SMIM10L2B: variants seen among roughly 807,000 people sequenced by gnomAD.
The protein encoded by SMIM10L2B is small integral membrane protein 10-like protein 2B.
For missense variants in SMIM10L2B, 40 were observed against 58.7 expected (o/e 0.68, Z 1.04); for synonymous variants, 28 against 30.0 (o/e 0.93, Z 0.22).
At position 135,098,245 on chromosome X, in the gene SMIM10L2B, G is replaced by A; in HGVS notation, c.*152C>T. The A allele has an allele frequency of 7.5e-6, 2 of 265,482 alleles. No homozygotes were observed. Among genetic ancestry groups the A allele is most frequent in the Middle Eastern group, 2.1e-3 (2 of 965 alleles). 21.9% of individuals were successfully genotyped at this position (265,482 alleles called of 1,213,427 possible). A position where few individuals can be genotyped will look rare whatever the true frequency, so the allele number is the denominator to read the frequency against. On this transcript the variant is annotated 3_prime_UTR_variant, in exon 1 of 2. Transcript: ENST00000433425. The stretch of plus-strand genomic sequence containing the variant: ...CAGGGCTGGGCCTTCGTGCCCGGGC[G>A]GCGTAGGTCTAGAGTCCAGGGGCCC...
rs1252976640 is a variant in SMIM10L2B at position 135,096,941 on chromosome X, C to T, written c.*545G>A. 8.9e-6 allele frequency: 1 copy of T among 112,911 alleles called. No homozygotes were observed. The highest frequency in any genetic ancestry group is 1.9e-5 in the Non-Finnish European group (1 of 53,287). The allele number at this position is 112,911 out of a possible 1,213,427, so 9.3% of individuals were successfully genotyped here. A position where few individuals can be genotyped will look rare whatever the true frequency, so the allele number is the denominator to read the frequency against. On this transcript the variant is annotated 3_prime_UTR_variant, in exon 2 of 2. Coordinates refer to ENST00000433425, the MANE Select transcript of SMIM10L2B (RefSeq NM_001348255.2). ...CCAGGACTCGATCACTGGGCACCCC[C>T]ACCCCTGTGAGCCTTTGTCCATGCT...
In SMIM10L2B at chrX:135,096,316, C is replaced by T. The variant is rs2083446989; in HGVS notation, c.*1170G>A. 1 of 110,394 alleles carries T rather than the reference C, an allele frequency of 9.1e-6. No homozygotes were observed. Among genetic ancestry groups the T allele is most frequent in the East Asian group, 2.9e-4 (1 of 3,463 alleles). 9.1% of individuals were successfully genotyped at this position (110,394 alleles called of 1,213,427 possible). On this transcript the variant is annotated 3_prime_UTR_variant, in exon 2 of 2. Transcript: ENST00000433425. ...GAGCTTGAGGAGAGAGAATTGGGGT[C>T]ATGCCATGGGTCTCAGCCCCAGCCC...
At chrX:135,097,269 T>A (rs782713672) in intron 1 of SMIM10L2B, 148 bp from the exon 2 acceptor site, 1 of 113,131 alleles carries the variant, frequency 8.8e-6, no homozygotes, top group East Asian at 2.8e-4. Context: ...CAGGGAGGTC[T>A]CTTTTTCCCA....
rs1163070471 is a variant in SMIM10L2B, at chrX:135,098,592, T to C, written c.42A>G (p.Ala14=). ...SAALSAAAAA[A]ALSGLAVRLS... is the part of the protein sequence containing the mutation. Reference sequence around the variant, plus strand: ...GCCGAACCGCCAAGCCAGACAGGGCTGCCGCCGCCGCCGCCGCAGACAGAG... The same window carrying C: ...GCCGAACCGCCAAGCCAGACAGGGCCGCCGCCGCCGCCGCCGCAGACAGAG... The change falls in exon 1 of 2, where the codon GCA becomes GCG. Residue 14 remains alanine, a synonymous_variant. Transcript: ENST00000433425. The C allele has an allele frequency of 1.0e-5, 6 of 593,257 alleles. No homozygotes were observed. The highest frequency in any genetic ancestry group is 4.9e-5 in the Admixed American group (1 of 20,365). The allele number at this position is 593,257 out of a possible 1,213,427, so 48.9% of individuals were successfully genotyped here.
In SMIM10L2B at chrX:135,095,710, C is replaced by A. The variant is rs2083444549; in HGVS notation, c.*1776G>T. ...TCTGTGCATCAGACACAAGGAGGCC[C>A]CTCACTCCTCTTCTCCTCCAGCTCT... On this transcript the variant is annotated 3_prime_UTR_variant, in exon 2 of 2. Coordinates refer to ENST00000433425, the MANE Select transcript of SMIM10L2B (RefSeq NM_001348255.2). 1 of 112,324 alleles carries A rather than the reference C, an allele frequency of 8.9e-6. No individual in the cohort carries two copies. The highest frequency in any genetic ancestry group is 3.2e-5 in the African/African-American group (1 of 30,888). 9.3% of individuals were successfully genotyped at this position (112,324 alleles called of 1,213,427 possible). A position where few individuals can be genotyped will look rare whatever the true frequency, so the allele number is the denominator to read the frequency against.
Position 135,098,617 on chromosome X carries a change from G to T in SMIM10L2B, c.17C>A (p.Ala6Asp). 1 of 415,374 alleles carries T rather than the reference G, an allele frequency of 2.4e-6. No homozygotes were observed. The highest frequency in any genetic ancestry group is 3.6e-6 in the Non-Finnish European group (1 of 277,402). 34.2% of individuals were successfully genotyped at this position (415,374 alleles called of 1,213,427 possible). ...TGCCGCCGCCGCCGCCGCAGACAGA[G>T]CCGCCGACGCCGCCATGGGCCCGGG... is the stretch of plus-strand genomic sequence containing the variant. Reference protein sequence around the residue: MAASAALSAAAAAAAL... With the variant: MAASADLSAAAAAAAL... The change falls in exon 1 of 2, where the codon GCT (alanine) becomes GAT (aspartate). Residue 6 changes from alanine (A) to aspartate (D), a missense_variant. Ala to Asp is a moderately radical substitution (Grantham distance 126, BLOSUM62 -2). Coordinates refer to ENST00000433425, the MANE Select transcript of SMIM10L2B (RefSeq NM_001348255.2).
Position 135,095,845 on chromosome X carries a change from G to A in SMIM10L2B, c.*1641C>T, listed in dbSNP as rs1236829667. The A allele has an allele frequency of 8.9e-6, 1 of 112,055 alleles. No individual in the cohort carries two copies. The highest frequency in any genetic ancestry group is 9.4e-5 in the Admixed American group (1 of 10,674). The allele number at this position is 112,055 out of a possible 1,213,427, so 9.2% of individuals were successfully genotyped here. A position where few individuals can be genotyped will look rare whatever the true frequency, so the allele number is the denominator to read the frequency against. Reference sequence around the variant, plus strand: ...GTGGACAGGGTTGGGGCGGATGAGAGAGGCCAGCAAGGTCAGGGGTTCTCA... The same window carrying A: ...GTGGACAGGGTTGGGGCGGATGAGAAAGGCCAGCAAGGTCAGGGGTTCTCA... On this transcript the variant is annotated 3_prime_UTR_variant, in exon 2 of 2. Transcript: ENST00000433425.
At position 135,098,389 on chromosome X, in the gene SMIM10L2B, G is replaced by T. The variant is rs1603270834; in HGVS notation, c.*8C>A. On this transcript the variant is annotated 3_prime_UTR_variant, in exon 1 of 2. Transcript: ENST00000433425. ...CCGGGCCTCCGCGGCCGCCGCCGCC[G>T]CCGGCGCTCACTCGATCCGCACTTG... The T allele has an allele frequency of 3.4e-6, 2 of 589,309 alleles. No individual in the cohort carries two copies. Among genetic ancestry groups the T allele is most frequent in the South Asian group, 9.4e-5 (2 of 21,253 alleles). 48.6% of individuals were successfully genotyped at this position (589,309 alleles called of 1,213,427 possible). A position where few individuals can be genotyped will look rare whatever the true frequency, so the allele number is the denominator to read the frequency against.
rs1306760437 is a variant in SMIM10L2B, at chrX:135,098,289, C to T, written c.*108G>A. 1 of 277,876 alleles carries T rather than the reference C, an allele frequency of 3.6e-6. No individual in the cohort carries two copies. Among genetic ancestry groups the T allele is most frequent in the African/African-American group, 2.8e-5 (1 of 35,237 alleles). 22.9% of individuals were successfully genotyped at this position (277,876 alleles called of 1,213,427 possible). A position where few individuals can be genotyped will look rare whatever the true frequency, so the allele number is the denominator to read the frequency against. ...GGGGCCCGGGCCGCCCCACCTCCGC[C>T]CCCCGCCGCGATCCAGCTGTCCTTC... is the stretch of plus-strand genomic sequence containing the variant. On this transcript the variant is annotated 3_prime_UTR_variant, in exon 1 of 2. Coordinates refer to ENST00000433425, the MANE Select transcript of SMIM10L2B (RefSeq NM_001348255.2).
rs782529285 is a variant in SMIM10L2B at position 135,098,412 on chromosome X, T to C, written c.222A>G (p.Gln74=). The change falls in exon 1 of 2, where the codon CAA becomes CAG. Residue 74 remains glutamine, a synonymous_variant. Transcript: ENST00000433425. The stretch of plus-strand genomic sequence containing the variant: ...CCGCCGGCGCTCACTCGATCCGCAC[T>C]TGCAGGCGGACGTTGAGCATCACCG... ...VASVMLNVRL[Q]VRIE The C allele has an allele frequency of 1.1e-3, 798 of 718,628 alleles. 7 individuals carry two copies. Among genetic ancestry groups the C allele is most frequent in the Middle Eastern group, 3.0e-3 (6 of 1,984 alleles). The allele number at this position is 718,628 out of a possible 1,213,427, so 59.2% of individuals were successfully genotyped here.
rs1461664336 is a variant in SMIM10L2B at position 135,098,237 on chromosome X, G to T, written c.*160C>A. 1 of 265,805 alleles carries T rather than the reference G, an allele frequency of 3.8e-6. No homozygotes were observed. The highest frequency in any genetic ancestry group is 5.7e-5 in the East Asian group (1 of 17,494). 21.9% of individuals were successfully genotyped at this position (265,805 alleles called of 1,213,427 possible). ...GCCAGGGCCAGGGCTGGGCCTTCGT[G>T]CCCGGGCGGCGTAGGTCTAGAGTCC... On this transcript the variant is annotated 3_prime_UTR_variant, in exon 1 of 2. Transcript: ENST00000433425.
In SMIM10L2B at chrX:135,098,380, G is replaced by T; in HGVS notation, c.*17C>A. On this transcript the variant is annotated 3_prime_UTR_variant, in exon 1 of 2. Transcript: ENST00000433425. Reference sequence around the variant, plus strand: ...CCCCTCCAGCCGGGCCTCCGCGGCCGCCGCCGCCGCCGGCGCTCACTCGAT... The same window carrying T: ...CCCCTCCAGCCGGGCCTCCGCGGCCTCCGCCGCCGCCGGCGCTCACTCGAT... The T allele has an allele frequency of 1.9e-6, 1 of 532,192 alleles. No individual in the cohort carries two copies. Among genetic ancestry groups the T allele is most frequent in the Non-Finnish European group, 2.7e-6 (1 of 365,383 alleles). The allele number at this position is 532,192 out of a possible 1,213,427, so 43.9% of individuals were successfully genotyped here. A position where few individuals can be genotyped will look rare whatever the true frequency, so the allele number is the denominator to read the frequency against.
Position 135,096,531 on chromosome X carries a change from G to T in SMIM10L2B, c.*955C>A, listed in dbSNP as rs1445204509. Reference sequence around the variant, plus strand: ...AAAGCTTGGCTCCCCAGGGATCCTGGGGCCCATCTCTCCTGTCTGCCATCT... The same window carrying T: ...AAAGCTTGGCTCCCCAGGGATCCTGTGGCCCATCTCTCCTGTCTGCCATCT... On this transcript the variant is annotated 3_prime_UTR_variant, in exon 2 of 2. Coordinates refer to ENST00000433425, the MANE Select transcript of SMIM10L2B (RefSeq NM_001348255.2). 1 of 111,241 alleles carries T rather than the reference G, an allele frequency of 9.0e-6. No individual in the cohort carries two copies. The highest frequency in any genetic ancestry group is 3.3e-5 in the African/African-American group (1 of 30,511). The allele number at this position is 111,241 out of a possible 1,213,427, so 9.2% of individuals were successfully genotyped here. A position where few individuals can be genotyped will look rare whatever the true frequency, so the allele number is the denominator to read the frequency against.
At position 135,098,573 on chromosome X, in the gene SMIM10L2B, C is replaced by A. The variant is rs1335231458; in HGVS notation, c.61G>T (p.Val21Phe). Residue 21 changes from valine to phenylalanine, a missense_variant, in exon 1 of 2, where the codon GTT becomes TTT. Val to Phe is a conservative substitution (Grantham distance 50, BLOSUM62 -1). Coordinates refer to ENST00000433425, the MANE Select transcript of SMIM10L2B (RefSeq NM_001348255.2). ...AAAAALSGLAVRLSRSAAARG... is the reference protein window; with the variant it reads ...AAAAALSGLAFRLSRSAAARG... ...GCCGCCGCCGAGCGCGACAGCCGAA[C>A]CGCCAAGCCAGACAGGGCTGCCGCC... 2.6e-6 allele frequency: 2 copies of A among 781,133 alleles called. No homozygotes were observed. The highest frequency in any genetic ancestry group is 2.2e-5 in the African/African-American group (1 of 46,152). The allele number at this position is 781,133 out of a possible 1,213,427, so 64.4% of individuals were successfully genotyped here. A position where few individuals can be genotyped will look rare whatever the true frequency, so the allele number is the denominator to read the frequency against.
chrX:135,098,421 G>C lies in SMIM10L2B; in HGVS notation c.213C>G (p.Val71=), dbSNP rs1556398529. 3 of 770,908 alleles carry C rather than the reference G, an allele frequency of 3.9e-6. No individual in the cohort carries two copies. Among genetic ancestry groups the C allele is most frequent in the Non-Finnish European group, 5.3e-6 (3 of 563,460 alleles). 63.5% of individuals were successfully genotyped at this position (770,908 alleles called of 1,213,427 possible). A position where few individuals can be genotyped will look rare whatever the true frequency, so the allele number is the denominator to read the frequency against. The change falls in exon 1 of 2, where the codon GTC becomes GTG. Residue 71 remains valine, a synonymous_variant. Coordinates refer to ENST00000433425, the MANE Select transcript of SMIM10L2B (RefSeq NM_001348255.2). The part of the protein sequence containing the change: ...FYIVASVMLN[V]RLQVRIE ...CTCACTCGATCCGCACTTGCAGGCGGACGTTGAGCATCACCGAGGCCACGA... is the reference window on the plus strand; with the variant it reads ...CTCACTCGATCCGCACTTGCAGGCGCACGTTGAGCATCACCGAGGCCACGA...
At position 135,098,395 on chromosome X, in the gene SMIM10L2B, G is replaced by T; in HGVS notation, c.*2C>A. 1.6e-6 allele frequency: 1 copy of T among 612,479 alleles called. No individual in the cohort carries two copies. The highest frequency in any genetic ancestry group is 2.3e-6 in the Non-Finnish European group (1 of 430,642). The allele number at this position is 612,479 out of a possible 1,213,427, so 50.5% of individuals were successfully genotyped here. ...CTCCGCGGCCGCCGCCGCCGCCGGC[G>T]CTCACTCGATCCGCACTTGCAGGCG... is the stretch of plus-strand genomic sequence containing the variant. On this transcript the variant is annotated 3_prime_UTR_variant, in exon 1 of 2. Transcript: ENST00000433425.
intron 1 of SMIM10L2B, among the ~76,000 whole-genome samples, chrX:135,097,752 C>T (rs782331291): frequency 9.7e-4 from 109 of 112,501 alleles, no homozygotes; most frequent in Non-Finnish European, 1.8e-3. Flanking sequence ...CCACTACCTT[C>T]CATTCCCCAG....
chrX:135,097,912 C>T (rs1255017388), intron 1 of SMIM10L2B, 121 bp downstream of exon 1: 2 of 112,807 alleles, frequency 1.8e-5, no homozygotes, highest in Non-Finnish European at 3.7e-5. Flanking sequence ...ACCTGGGCTC[C>T]ACAGCTCTTC....
chrX:135,097,615 TGAGAA>T (rs2083451444), intron 1 of SMIM10L2B, among the ~76,000 whole-genome samples: 1 of 111,815 alleles, frequency 8.9e-6, no homozygotes, highest in African/African-American at 3.3e-5. Context: ...GGCTGAGGGC[TGAGAA>T]GAGAACAGAC....
Sources: allele counts gnomAD v4.1 joint callset (sites outside exome capture counted in the v4.1 genomes callset), GRCh38; gene constraint gnomAD v4.1.1; transcripts MANE v1.5; gene names NCBI Gene and HGNC (gene_info 2026-07-23, HGNC 2026-07-21).